The following MAPRE2 variants were observed in gnomAD, a reference collection of about 807,000 sequenced individuals.
The protein encoded by MAPRE2 is microtubule associated protein RP/EB family member 2.
MAPRE2 carries 13 observed loss-of-function variants against 43.2 expected under a neutral mutation model. That is an observed-to-expected ratio of 0.30 (90% CI 0.20 to 0.48). The LOEUF (loss-of-function observed/expected upper bound fraction) is 0.48, where lower values mean the gene tolerates loss of function less well. Among genes scored for constraint, MAPRE2 ranks in the 20% least tolerant of loss-of-function variants. MAPRE2 has a pLI of 0.99. For missense variants in MAPRE2, 161 were observed against 400.2 expected (o/e 0.40, Z 5.10); for synonymous variants, 135 against 148.8 (o/e 0.91, Z 0.68).
At position 35,025,401 on chromosome 18, in the gene MAPRE2, A is replaced by C. The variant is rs143753538; in HGVS notation, c.-8+19848A>C. On this transcript the variant is annotated intron_variant, in intron 2 of 7. Coordinates refer to the MAPRE2 transcript ENST00000413393. ...GTTCTAACCATCAATAGGAAATAGC[A>C]ATGCTATAACTTTTCATTTCTTCCA... 2.1e-3 allele frequency among the ~76,000 whole-genome samples: 323 copies of C among 152,358 alleles called. 3 individuals are homozygous for C. Among genetic ancestry groups the C allele is most frequent in the African/African-American group, 7.4e-3 (306 of 41,582 alleles).
At chr18:35,088,196 T>C (rs1203456013) in intron 2 of MAPRE2, among the ~76,000 whole-genome samples, 3 of 151,928 alleles carry the variant, frequency 2.0e-5, no homozygotes, top group African/African-American at 7.3e-5. Flanking sequence ...CAGGATGAGG[T>C]GAAAAAGAGT....
intron 2 of MAPRE2, among the ~76,000 whole-genome samples, chr18:35,076,946 A>G (rs949999032): frequency 3.9e-5 from 6 of 152,178 alleles, no homozygotes; most frequent in African/African-American, 1.4e-4. Context: ...ATATCCCTAC[A>G]TCCTATTACC....
At chr18:35,121,389 C>G (rs531626240) in intron 4 of MAPRE2, among the ~76,000 whole-genome samples, 1 of 152,138 alleles carries the variant, frequency 6.6e-6, no homozygotes, top group Non-Finnish European at 1.5e-5. Flanking sequence ...CACAACTGCT[C>G]AAAGACTAGC....
chr18:35,071,696 A>G (rs1008975911), intron 2 of MAPRE2, among the ~76,000 whole-genome samples: 5 of 152,184 alleles, frequency 3.3e-5, no homozygotes, highest in African/African-American at 1.2e-4. Flanking sequence ...CCCAGTAGTC[A>G]CTTTCAGATG....
At chr18:35,131,994 T>G (rs368645046) in intron 5 of MAPRE2, 38 bp from the exon 6 acceptor site, 3 of 1,601,414 alleles carry the variant, frequency 1.9e-6, no homozygotes, top group Admixed American at 1.7e-5. Context: ...ATACTATATT[T>G]TGGGTGGTTT....
chr18:35,094,098 T>C (rs1194512760), intron 2 of MAPRE2, among the ~76,000 whole-genome samples: 1 of 152,076 alleles, frequency 6.6e-6, no homozygotes, highest in Non-Finnish European at 1.5e-5. Flanking sequence ...GGGAAAAAAA[T>C]AGCGACTTTG....
chr18:34,999,576 A>G (rs974820880), intron 1 of MAPRE2, among the ~76,000 whole-genome samples: 2 of 152,196 alleles, frequency 1.3e-5, no homozygotes, highest in Non-Finnish European at 2.9e-5. Flanking sequence ...TTTTTATAGA[A>G]ACCTAAATCA....
At chr18:34,985,116 TAC>T (rs2097018891) in intron 1 of MAPRE2, among the ~76,000 whole-genome samples, 1 of 86,866 alleles carries the variant, frequency 1.2e-5, no homozygotes, top group Non-Finnish European at 2.0e-5. Flanking sequence ...AAATATTATA[TAC>T]TATATTATAT....
At chr18:35,096,946 T>C (rs554903150) in intron 2 of MAPRE2, among the ~76,000 whole-genome samples, 95 of 152,338 alleles carry the variant, frequency 6.2e-4, no homozygotes, top group Non-Finnish European at 6.2e-4. Flanking sequence ...CAGCTATAGA[T>C]AGAAAACAGC....
chr18:35,027,324 T>A (rs2097045743), intron 2 of MAPRE2, among the ~76,000 whole-genome samples: 1 of 152,180 alleles, frequency 6.6e-6, no homozygotes. Context: ...CTTCCAAGAC[T>A]AGGTTTTAAA....
At chr18:35,122,305 CTG>C (rs202041759) in intron 4 of MAPRE2, among the ~76,000 whole-genome samples, 1,938 of 152,234 alleles carry the variant, frequency 0.013, 38 homozygotes, top group African/African-American at 0.045. Context: ...TTTAGTTTAA[CTG>C]TTAATTATGG....
At chr18:35,077,951 A>G (rs1603398488) in intron 2 of MAPRE2, among the ~76,000 whole-genome samples, 1 of 152,364 alleles carries the variant, frequency 6.6e-6, no homozygotes, top group Non-Finnish European at 1.5e-5. Flanking sequence ...ATCACTTTAT[A>G]TGATGGATAT....
chr18:35,063,308 C>G (rs548916105), intron 1 of MAPRE2, among the ~76,000 whole-genome samples: 1 of 151,886 alleles, frequency 6.6e-6, no homozygotes, highest in Non-Finnish European at 1.5e-5. Flanking sequence ...GGGGTTTCAC[C>G]GTGTTAGCCA....
chr18:35,031,434 T>C (rs1410538560), intron 2 of MAPRE2, among the ~76,000 whole-genome samples: 1 of 152,230 alleles, frequency 6.6e-6, no homozygotes, highest in Non-Finnish European at 1.5e-5. Flanking sequence ...AAAACACATT[T>C]AAAGCTCTTA....
intron 5 of MAPRE2, among the ~76,000 whole-genome samples, chr18:35,131,432 G>T (rs552596230): frequency 6.6e-6 from 1 of 152,284 alleles, no homozygotes; most frequent in East Asian, 1.9e-4. Flanking sequence ...TGGAGACTGG[G>T]ATGTCCAAGA....
chr18:35,133,226 C>G (rs539735564), intron 6 of MAPRE2, among the ~76,000 whole-genome samples: 1 of 152,274 alleles, frequency 6.6e-6, no homozygotes, highest in East Asian at 1.9e-4. Context: ...CTGTAAGGCA[C>G]TGTATCTGTG....
At chr18:34,985,734 A>C (rs1294234686) in intron 1 of MAPRE2, among the ~76,000 whole-genome samples, 2 of 130,158 alleles carry the variant, frequency 1.5e-5, no homozygotes, top group African/African-American at 5.8e-5. Flanking sequence ...GTAATATATA[A>C]ATATATATTA....
chr18:35,110,624 C>T (rs966573736), intron 4 of MAPRE2, among the ~76,000 whole-genome samples: 1 of 152,122 alleles, frequency 6.6e-6, no homozygotes, highest in Non-Finnish European at 1.5e-5. Flanking sequence ...TCTTATCCTG[C>T]AGGTCCAGTG....
At chr18:35,058,662 T>C (rs117178867) in intron 1 of MAPRE2, among the ~76,000 whole-genome samples, 228 of 152,278 alleles carry the variant, frequency 1.5e-3, no homozygotes, top group Admixed American at 2.7e-3. Flanking sequence ...CAAAAATTCA[T>C]TCCCAGCGAT....
Sources: allele counts gnomAD v4.1 joint callset (sites outside exome capture counted in the v4.1 genomes callset), GRCh38; gene constraint gnomAD v4.1.1; transcripts MANE v1.5; gene names NCBI Gene and HGNC (gene_info 2026-07-23, HGNC 2026-07-21).